ERBB4: variants seen among roughly 807,000 people sequenced by gnomAD.
ERBB4 encodes erb-b2 receptor tyrosine kinase 4, also known as receptor tyrosine-protein kinase erbB-4.
ERBB4 carries 42 observed loss-of-function variants against 158.0 expected under a neutral mutation model. The observed-to-expected ratio is 0.27, with a 90% CI of 0.21 to 0.34. The LOEUF (loss-of-function observed/expected upper bound fraction) is 0.34, where lower values mean the gene tolerates loss of function less well. Among genes scored for constraint, ERBB4 ranks in the 10% least tolerant of loss-of-function variants. The probability of loss-of-function intolerance (pLI) is 1.00; values close to 1 mark genes in which losing one functional copy is unlikely to be tolerated. For missense variants in ERBB4, 1,333 were observed against 1,624.1 expected, an observed-to-expected ratio of 0.82 and a Z score of 3.08; for synonymous variants, 583 against 558.7, an observed-to-expected ratio of 1.04 and a Z score of -0.61.
chr2:212,035,722 A>T (rs374158039), intron 2 of ERBB4, among the ~76,000 whole-genome samples: 1 of 152,308 alleles, frequency 6.6e-6, no homozygotes, highest in East Asian at 1.9e-4. Flanking sequence ...TGTCTTCAGA[A>T]TCTTCAGAAT....
chr2:211,920,186 T>C (rs1422906416), intron 3 of ERBB4, among the ~76,000 whole-genome samples: 9 of 151,968 alleles, frequency 5.9e-5, no homozygotes, highest in Non-Finnish European at 1.0e-4. Flanking sequence ...AATCAATAAA[T>C]TATGTAGTCA....
chr2:211,572,160 G>A (rs770343772), intron 19 of ERBB4, among the ~76,000 whole-genome samples: 4 of 151,918 alleles, frequency 2.6e-5, no homozygotes, highest in Admixed American at 1.3e-4. Flanking sequence ...TAAAAATACC[G>A]CTTTTTTTAA....
At chr2:211,938,335 C>T (rs1337754031) in intron 3 of ERBB4, among the ~76,000 whole-genome samples, 1 of 152,058 alleles carries the variant, frequency 6.6e-6, no homozygotes, top group African/African-American at 2.4e-5. Context: ...GAATTTGACT[C>T]AGGGAGCCCA....
At chr2:212,084,182 C>A (rs979162359) in intron 2 of ERBB4, among the ~76,000 whole-genome samples, 1 of 151,920 alleles carries the variant, frequency 6.6e-6, no homozygotes, top group African/African-American at 2.4e-5. Context: ...CAAATGACTT[C>A]TATGAGAAGA....
intron 20 of ERBB4, among the ~76,000 whole-genome samples, chr2:211,489,764 C>T (rs1460778676): frequency 7.1e-6 from 1 of 140,564 alleles, no homozygotes; most frequent in East Asian, 2.1e-4. Flanking sequence ...CTATGCAGTA[C>T]TAATGTATTC....
intron 1 of ERBB4, among the ~76,000 whole-genome samples, chr2:212,471,608 G>A (rs1689121911): frequency 6.6e-6 from 1 of 151,836 alleles, no homozygotes; most frequent in African/African-American, 2.4e-5. Context: ...GATAAGACCA[G>A]ATTGTTTTTA....
chr2:211,917,314 A>G (rs1245989098), intron 3 of ERBB4, among the ~76,000 whole-genome samples: 1 of 128,866 alleles, frequency 7.8e-6, no homozygotes, highest in Non-Finnish European at 1.7e-5. Flanking sequence ...CTACAGAGAT[A>G]TGGAAAAAAA....
Position 211,609,388 on chromosome 2 carries a change from G to C in ERBB4, c.2301+9789C>G, listed in dbSNP as rs57212119. Among the ~76,000 whole-genome samples the C allele has an allele frequency of 5.0e-3, 762 of 152,116 alleles. 9 individuals carry two copies. Among genetic ancestry groups the C allele is most frequent in the African/African-American group, 0.016 (677 of 41,492 alleles). On this transcript the variant is annotated intron_variant, in intron 19 of 27. Transcript: ENST00000342788. Reference sequence around the variant, plus strand: ...ACAAGAATTTAGACAGACAGGCCTTGCTGGGTTTCCTCACTCAATTAATAT... The same window carrying C: ...ACAAGAATTTAGACAGACAGGCCTTCCTGGGTTTCCTCACTCAATTAATAT...
At chr2:211,773,159 G>T (rs1195664827) in intron 4 of ERBB4, among the ~76,000 whole-genome samples, 1 of 150,726 alleles carries the variant, frequency 6.6e-6, no homozygotes, top group Non-Finnish European at 1.5e-5. Flanking sequence ...GCCTAGCCCA[G>T]CTGTGACATG....
chr2:211,734,781 C>T (rs1446843384), intron 5 of ERBB4, among the ~76,000 whole-genome samples: 7 of 151,108 alleles, frequency 4.6e-5, no homozygotes, highest in African/African-American at 7.3e-5. Flanking sequence ...ATTAGCCAGG[C>T]GTGGTGGCGG....
At chr2:211,386,639 G>A (rs969678469) in intron 27 of ERBB4, among the ~76,000 whole-genome samples, 40 of 152,076 alleles carry the variant, frequency 2.6e-4, no homozygotes, top group African/African-American at 8.5e-4. Flanking sequence ...CTATTCAGAC[G>A]GGGCCTGCCT....
At chr2:212,418,050 A>T in intron 1 of ERBB4, among the ~76,000 whole-genome samples, 1 of 151,958 alleles carries the variant, frequency 6.6e-6, no homozygotes, top group East Asian at 1.9e-4. Flanking sequence ...CAAGTCAGGA[A>T]GAAGGCCCTT....
chr2:211,746,086 G>A (rs150718655), intron 5 of ERBB4, among the ~76,000 whole-genome samples: 1,701 of 152,224 alleles, frequency 0.011, 11 homozygotes, highest in Non-Finnish European at 0.017. Flanking sequence ...TTTTAAAATG[G>A]AAATATTTAA....
intron 25 of ERBB4, among the ~76,000 whole-genome samples, chr2:211,417,248 G>A (rs2063413949): frequency 6.6e-6 from 1 of 152,060 alleles, no homozygotes; most frequent in African/African-American, 2.4e-5. Flanking sequence ...CACGGTGGGT[G>A]GATTGCTTGA....
intron 1 of ERBB4, among the ~76,000 whole-genome samples, chr2:212,441,864 T>C (rs1313414304): frequency 6.6e-6 from 1 of 152,128 alleles, no homozygotes; most frequent in Non-Finnish European, 1.5e-5. Context: ...ACTTTAGACA[T>C]ACTCATCCCA....
chr2:212,442,670 C>A (rs1275428038), intron 1 of ERBB4, among the ~76,000 whole-genome samples: 1 of 152,056 alleles, frequency 6.6e-6, no homozygotes, highest in East Asian at 1.9e-4. Flanking sequence ...TCCCCAGTGC[C>A]AGAATGCATA....
intron 1 of ERBB4, among the ~76,000 whole-genome samples, chr2:212,496,585 A>C (rs1273220326): frequency 6.6e-6 from 1 of 152,188 alleles, no homozygotes; most frequent in Non-Finnish European, 1.5e-5. Flanking sequence ...TTATAATGGG[A>C]GACTACTATA....
intron 1 of ERBB4, among the ~76,000 whole-genome samples, chr2:212,287,829 C>G (rs2086055034): frequency 6.6e-6 from 1 of 152,106 alleles, no homozygotes; most frequent in Non-Finnish European, 1.5e-5. Context: ...AACATGTTTT[C>G]ACTTATAAGT....
At chr2:212,431,430 C>T (rs951940623) in intron 1 of ERBB4, among the ~76,000 whole-genome samples, 3 of 150,994 alleles carry the variant, frequency 2.0e-5, no homozygotes, top group African/African-American at 4.9e-5. Flanking sequence ...TATACAGAAT[C>T]TCATTGCTTC....
Sources: allele counts gnomAD v4.1 joint callset (sites outside exome capture counted in the v4.1 genomes callset), GRCh38; gene constraint gnomAD v4.1.1; transcripts MANE v1.5; gene names NCBI Gene and HGNC (gene_info 2026-07-23, HGNC 2026-07-21).